Variants in SLC26A1 observed in about 807,000 individuals in gnomAD.
SLC26A1 encodes the protein sulfate anion transporter 1.
SLC26A1 carries 18 observed loss-of-function variants against 14.5 expected under a neutral mutation model. The observed-to-expected ratio is 1.24, with a 90% CI of 0.86 to 1.84. The LOEUF is 1.84. Among genes scored for constraint, SLC26A1 ranks in the 40% most tolerant of loss-of-function variants. The pLI, the probability that SLC26A1 is intolerant of heterozygous loss-of-function variation, is 0.00. For missense variants in SLC26A1, 1,049 were observed against 1,020.0 expected, an observed-to-expected ratio of 1.03 and a Z score of -0.39; for synonymous variants, 505 against 492.0, an observed-to-expected ratio of 1.03 and a Z score of -0.35.
In SLC26A1 at chr4:989,658, C is replaced by T. The variant is rs1466860786; in HGVS notation, c.1281G>A (p.Leu427=). The change falls in exon 3 of 3, where the codon CTG becomes CTA. Residue 427 remains leucine (L), a synonymous_variant. Transcript: ENST00000398516. ...CGTGGAACAGCGGTGCCAGCGCCAG[C>T]AGCACCAGCAGCACCACGGTGGCGC... is the stretch of plus-strand genomic sequence containing the variant. ...VVSATVVLLV[L]LALAPLFHDL... 6.3e-7 allele frequency: 1 copy of T among 1,578,002 alleles called. No homozygotes were observed.
chr4:991,193 A>G lies in SLC26A1; in HGVS notation c.511T>C (p.Cys171Arg). The G allele has an allele frequency of 1.3e-6, 2 of 1,596,658 alleles. No homozygotes were observed. The highest frequency in any genetic ancestry group is 1.7e-6 in the Non-Finnish European group (2 of 1,169,436). The change falls in exon 2 of 3, where the codon TGC (cysteine) becomes CGC (arginine). Residue 171 changes from cysteine to arginine, a missense_variant. Cys to Arg is a radical substitution (Grantham distance 180). Transcript: ENST00000398516. Reference sequence around the variant, plus strand: ...CGGATGGCGTAGCAGTCACGCCCGCAGTCCAGCATGGCAGCCGAGCCGTTG... The same window carrying G: ...CGGATGGCGTAGCAGTCACGCCCGCGGTCCAGCATGGCAGCCGAGCCGTTG... ...TLNGSAAMLD[C>R]GRDCYAIRVA...
downstream of SLC26A1, chr4:987,553 A>C: frequency 1.5e-5 from 18 of 1,193,412 alleles, no homozygotes; most frequent in Non-Finnish European, 2.0e-5. Flanking sequence ...CCTTCCACCT[A>C]GAGCTGAGGT....
chr4:991,089 GCCCTGGGCCCCT>G (rs764129362), intron 2 of SLC26A1, 27 bp downstream of exon 2: 1 of 1,508,102 alleles, frequency 6.6e-7, no homozygotes, highest in Admixed American at 2.2e-5. Flanking sequence ...AAGGGGGGGT[GCCCTGGGCCCCT>G]CCCTGTGCCC....
chr4:979,374 C>A, exon 3 of SLC26A1: 1 of 1,242,300 alleles, frequency 8.0e-7, no homozygotes, highest in South Asian at 1.3e-5. Flanking sequence ...CCCGCATTCT[C>A]GATGTCGTTG....
At chr4:984,846 C>T (rs1427096217), downstream of SLC26A1, among the ~76,000 whole-genome samples, 3 of 152,182 alleles carry the variant, frequency 2.0e-5, no homozygotes, top group Non-Finnish European at 2.9e-5. Context: ...TGGAGTTTAT[C>T]ATTGGTAGAA....
At chr4:984,596 C>T (rs754542935), downstream of SLC26A1, among the ~76,000 whole-genome samples, 1 of 151,878 alleles carries the variant, frequency 6.6e-6, no homozygotes, top group Non-Finnish European at 1.5e-5. Context: ...TTTGGGAGGC[C>T]GAGACAGGTG....
chr4:991,250 C>G lies in SLC26A1; in HGVS notation c.454G>C (p.Gly152Arg), dbSNP rs374564512. 1 of 1,611,922 alleles carries G rather than the reference C, an allele frequency of 6.2e-7. No homozygotes were observed. Among genetic ancestry groups the G allele is most frequent in the African/African-American group, 1.3e-5 (1 of 74,918 alleles). ...QLAGFDPSQD[G>R]LQPGANSSTL... ...CTGCTGTTGGCTCCGGGCTGCAGGC[C>G]GTCCTGGGAGGGGTCAAAGCCGGCC... Residue 152 changes from glycine to arginine, a missense_variant, in exon 2 of 3, where the codon GGC becomes CGC. By Grantham distance (125) the Gly-to-Arg change is moderately radical. Transcript: ENST00000398516.
At position 991,956 on chromosome 4, in the gene SLC26A1, G is replaced by A. The variant is rs904899905; in HGVS notation, c.-27-226C>T. 2.5e-5 allele frequency: 20 copies of A among 806,554 alleles called. 1 individual carries two copies. The highest frequency in any genetic ancestry group is 1.4e-4 in the African/African-American group (8 of 59,172). The allele number at this position is 806,554 out of a possible 1,614,324, so 50.0% of individuals were successfully genotyped here. ...CCATCGTGAGGTGAGATGGGATTAC[G>A]ACACCAAGCCCATGCCATGGGGTGT... is the stretch of plus-strand genomic sequence containing the variant. On this transcript the variant is annotated intron_variant, in intron 1 of 2. Transcript: ENST00000398516.
At chr4:993,046 C>G (rs78540844) in intron 1 of SLC26A1, 1 of 152,126 alleles carries the variant, frequency 6.6e-6, no homozygotes, top group Non-Finnish European at 1.5e-5. Context: ...GGGCACAGAG[C>G]GGGGGTCCTG....
downstream of SLC26A1, among the ~76,000 whole-genome samples, chr4:983,466 C>T (rs1713607657): frequency 6.6e-6 from 1 of 152,234 alleles, no homozygotes; most frequent in Non-Finnish European, 1.5e-5. Context: ...GGGCGTTGTG[C>T]CCCCACCCAG....
chr4:990,657 C>T (rs919334310), intron 2 of SLC26A1: 5 of 467,552 alleles, frequency 1.1e-5, no homozygotes, highest in African/African-American at 4.0e-5. Flanking sequence ...AGAATTAAGA[C>T]CTCTGGTATC....
At position 987,733 on chromosome 4, in the gene SLC26A1, G is replaced by A; in HGVS notation, c.*1100C>T. ...TGGATCCTGCGCCCGGGCAGTCCTG[G>A]GCTTGAACGTGTGTGTCAGCCGCGC... On this transcript the variant is annotated 3_prime_UTR_variant, in exon 3 of 3. Transcript: ENST00000398516. 1 of 1,600,120 alleles carries A rather than the reference G, an allele frequency of 6.2e-7. No individual in the cohort carries two copies. The highest frequency in any genetic ancestry group is 8.5e-7 in the Non-Finnish European group (1 of 1,174,508).
rs751890705 is a variant in SLC26A1, at chr4:989,118, G to A, written c.1821C>T (p.Ala607=). The A allele has an allele frequency of 1.1e-5, 17 of 1,605,426 alleles. No individual in the cohort carries two copies. In the Admixed American group the frequency reaches 1.2e-4, roughly 11 times the overall value. The part of the protein sequence containing the change: ...STRAALVPAA[A]GFHTVVIDCA... ...AGTCGATGACCACTGTGTGGAAGCC[G>A]GCCGCTGCGGGCACCAGCGCAGCCC... The change falls in exon 3 of 3, where the codon GCC becomes GCT. Residue 607 remains alanine, a synonymous_variant. Coordinates refer to ENST00000398516, the MANE Select transcript of SLC26A1 (RefSeq NM_022042.4).
intron 1 of SLC26A1, chr4:992,002 G>A: frequency 1.5e-6 from 1 of 663,730 alleles, no homozygotes; most frequent in Non-Finnish European, 2.7e-6. Context: ...GCAGTGCTGA[G>A]GGGCGGCGTG....
At chr4:982,029 C>T (rs1713559006) in intron 2 of SLC26A1, among the ~76,000 whole-genome samples, 1 of 152,080 alleles carries the variant, frequency 6.6e-6, no homozygotes, top group Admixed American at 6.6e-5. Flanking sequence ...CCGTGTTAGC[C>T]AGGATGGTCT....
At chr4:987,126 G>A (rs1021970063), downstream of SLC26A1, 1 of 1,440,330 alleles carries the variant, frequency 6.9e-7, no homozygotes, top group Non-Finnish European at 9.1e-7. Flanking sequence ...TGGCGCTCCT[G>A]GCCTCGCTCC....
chr4:987,892 C>G lies in SLC26A1; in HGVS notation c.*941G>C. On this transcript the variant is annotated 3_prime_UTR_variant, in exon 3 of 3. Coordinates refer to ENST00000398516, the MANE Select transcript of SLC26A1 (RefSeq NM_022042.4). ...AACCTCGCCTATGTGGGCGCCGTCC[C>G]TCACCGCGGCATCAAGCAGGTCCGG... The G allele has an allele frequency of 6.2e-7, 1 of 1,609,940 alleles. No individual in the cohort carries two copies. Among genetic ancestry groups the G allele is most frequent in the Non-Finnish European group, 8.5e-7 (1 of 1,178,830 alleles).
Position 989,036 on chromosome 4 carries a change from G to T in SLC26A1, c.1903C>A (p.Arg635=). Residue 635 remains arginine, a synonymous_variant, in exon 3 of 3, where the codon CGA becomes AGA. Coordinates refer to ENST00000398516, the MANE Select transcript of SLC26A1 (RefSeq NM_022042.4). ...CTGATGCCCAGGGCCCCGTAGTCTC[G>T]GCGCAGGTCCTGCAGCGTGCTCACA... is the stretch of plus-strand genomic sequence containing the variant. The part of the protein sequence containing the change: ...AGVSTLQDLR[R]DYGALGISLL... 6.3e-7 allele frequency: 1 copy of T among 1,581,162 alleles called. No homozygotes were observed. Among genetic ancestry groups the T allele is most frequent in the South Asian group, 1.1e-5 (1 of 87,260 alleles).
At chr4:979,430 C>T (rs1379498078) in exon 3 of SLC26A1, 2 of 1,594,990 alleles carry the variant, frequency 1.3e-6, no homozygotes, top group East Asian at 2.2e-5. Context: ...CCTCCTCTTC[C>T]AGAAGTTCCT....
Sources: gnomAD v4.1 joint callset for allele counts (sites outside exome capture counted in the v4.1 genomes callset) on GRCh38, gnomAD v4.1.1 for gene constraint, MANE v1.5 for transcripts, NCBI Gene and HGNC (gene_info 2026-07-23, HGNC 2026-07-21) for gene names.